The following LRRK2 variants were observed in gnomAD, a reference collection of about 807,000 sequenced individuals.
LRRK2 encodes the protein leucine rich repeat kinase 2.
LRRK2 carries 203 observed loss-of-function variants against 302.6 expected under a neutral mutation model. The observed-to-expected ratio is 0.67, with a 90% CI of 0.60 to 0.75. The LOEUF (loss-of-function observed/expected upper bound fraction) is 0.75. Among genes scored for constraint, LRRK2 ranks in the 30% least tolerant of loss-of-function variants. The pLI is 0.00. For missense variants in LRRK2, 2,830 were observed against 2,951.0 expected, an observed-to-expected ratio of 0.96 and a Z score of 0.95; for synonymous variants, 1,066 against 1,031.9, an observed-to-expected ratio of 1.03 and a Z score of -0.63.
chr12:40,336,065 G>T (rs745311587), intron 40 of LRRK2, among the ~76,000 whole-genome samples: 1 of 152,086 alleles, frequency 6.6e-6, no homozygotes, highest in Non-Finnish European at 1.5e-5. Context: ...TCCTCACCCA[G>T]CCTCTGGAGT....
intron 41 of LRRK2, among the ~76,000 whole-genome samples, chr12:40,343,350 C>G (rs1462157899): frequency 6.6e-6 from 1 of 152,204 alleles, no homozygotes; most frequent in Non-Finnish European, 1.5e-5. Flanking sequence ...GAGATGAATG[C>G]TGACTGATGG....
chr12:40,293,793 G>A lies in LRRK2; in HGVS notation c.2808+130G>A, dbSNP rs1355185491. On this transcript the variant is annotated intron_variant, in intron 21 of 50. Coordinates refer to ENST00000298910, the MANE Select transcript of LRRK2 (RefSeq NM_198578.4). Reference sequence around the variant, plus strand: ...TGATGTATGAAAACTATAATTTTGAGATTTTTATATATGTAATAGATATGA... The same window carrying A: ...TGATGTATGAAAACTATAATTTTGAAATTTTTATATATGTAATAGATATGA... 76 of 630,082 alleles carry A rather than the reference G, an allele frequency of 1.2e-4. No homozygotes were observed. In the East Asian group the frequency reaches 2.3e-3, roughly 19 times the overall value. 39.0% of individuals were successfully genotyped at this position (630,082 alleles called of 1,614,324 possible). A position where few individuals can be genotyped will look rare whatever the true frequency, so the allele number is the denominator to read the frequency against.
chr12:40,273,125 C>G (rs969004443), intron 14 of LRRK2, among the ~76,000 whole-genome samples: 1 of 152,156 alleles, frequency 6.6e-6, no homozygotes, highest in East Asian at 1.9e-4. Context: ...CACACCAAAC[C>G]AGCCTTCCAA....
intron 12 of LRRK2, 49 bp from the exon 13 acceptor site, chr12:40,259,431 A>G: frequency 3.7e-6 from 6 of 1,611,092 alleles, no homozygotes; most frequent in South Asian, 1.1e-5. Context: ...TGTTTATACC[A>G]TTGAATCAGA....
At chr12:40,305,725 T>C (rs1592261641) in intron 27 of LRRK2, 60 bp from the exon 28 acceptor site, 1 of 1,456,376 alleles carries the variant, frequency 6.9e-7, no homozygotes. Context: ...ATCACGTTTT[T>C]TGGCAGAGCA....
chr12:40,236,986 C>A (rs1408627806), intron 4 of LRRK2, among the ~76,000 whole-genome samples: 4 of 151,900 alleles, frequency 2.6e-5, no homozygotes, highest in African/African-American at 7.3e-5. Context: ...TACTCCTATT[C>A]CAGTATTATT....
intron 14 of LRRK2, among the ~76,000 whole-genome samples, chr12:40,265,977 C>G (rs1363323152): frequency 6.6e-6 from 1 of 152,170 alleles, no homozygotes; most frequent in Admixed American, 6.6e-5. Context: ...GGATCCCTTC[C>G]TTACACCTTA....
intron 3 of LRRK2, among the ~76,000 whole-genome samples, chr12:40,233,601 T>C (rs995956910): frequency 2.6e-5 from 4 of 152,246 alleles, no homozygotes; most frequent in African/African-American, 9.6e-5. Context: ...GTATCAGTTC[T>C]AAAGTATACA....
chr12:40,229,639 C>A (rs926739391), intron 2 of LRRK2, among the ~76,000 whole-genome samples: 5 of 152,156 alleles, frequency 3.3e-5, no homozygotes, highest in Admixed American at 3.3e-4. Flanking sequence ...GCATTAATTA[C>A]ATGCTTGAGT....
Position 40,340,335 on chromosome 12 carries a change from C to CT in LRRK2, c.5990_5991insT (p.His1998ProfsTer20). Reference sequence around the variant, plus strand: ...ATGATTATATACCGAGACCTGAAACCCCACAATGTGCTGCTTTTCACACTG... The same window carrying CT: ...ATGATTATATACCGAGACCTGAAACCTCCACAATGTGCTGCTTTTCACACTG... On this transcript the variant is annotated frameshift_variant, in exon 41 of 51. Coordinates refer to ENST00000298910, the MANE Select transcript of LRRK2 (RefSeq NM_198578.4). LOFTEE classifies it high-confidence loss of function. 6.2e-7 allele frequency: 1 copy of CT among 1,613,806 alleles called. No homozygotes were observed. Among genetic ancestry groups the CT allele is most frequent in the Non-Finnish European group, 8.5e-7 (1 of 1,179,800 alleles).
intron 30 of LRRK2, among the ~76,000 whole-genome samples, chr12:40,309,450 T>C (rs2136821355): frequency 6.6e-6 from 1 of 152,284 alleles, no homozygotes; most frequent in African/African-American, 2.4e-5. Context: ...ATGTTATTGG[T>C]AACCTGAAAC....
At chr12:40,306,294 G>A (rs17491110) in intron 28 of LRRK2, among the ~76,000 whole-genome samples, 1,937 of 150,250 alleles carry the variant, frequency 0.013, 48 homozygotes, top group African/African-American at 0.044. Context: ...ATACAGCACA[G>A]TATAATAACT....
chr12:40,360,314 A>G (rs918973429), intron 47 of LRRK2, among the ~76,000 whole-genome samples: 7 of 152,146 alleles, frequency 4.6e-5, no homozygotes, highest in Non-Finnish European at 8.8e-5. Flanking sequence ...GCTTTGAGTC[A>G]CAAATCCCTA....
intron 47 of LRRK2, 58 bp from the exon 48 acceptor site, chr12:40,363,344 G>T: frequency 6.5e-7 from 1 of 1,548,418 alleles, no homozygotes; most frequent in Non-Finnish European, 8.9e-7. Context: ...TGTATTACAC[G>T]TAGAAATTTT....
chr12:40,263,394 C>A lies in LRRK2; in HGVS notation c.1544-395C>A, dbSNP rs111591812. 3.7e-4 allele frequency among the ~76,000 whole-genome samples: 12 copies of A among 32,070 alleles called. 1 individual carries two copies. Among genetic ancestry groups the A allele is most frequent in the African/African-American group, 2.1e-3 (11 of 5,314 alleles). 21.0% of individuals were successfully genotyped at this position (32,070 alleles called of 152,430 possible). ...CAGCTACTCTTTTTTGTCTATATTT[C>A]ATTTCTGCCTTTTTATGTTGTGGTC... On this transcript the variant is annotated intron_variant, in intron 13 of 50. Coordinates refer to ENST00000298910, the MANE Select transcript of LRRK2 (RefSeq NM_198578.4).
chr12:40,334,357 A>T (rs1247961563), intron 39 of LRRK2, among the ~76,000 whole-genome samples: 1 of 152,224 alleles, frequency 6.6e-6, no homozygotes, highest in Non-Finnish European at 1.5e-5. Flanking sequence ...TGAAAAACAT[A>T]AAGGTTGGGG....
At chr12:40,244,796 G>A (rs1289218202) in intron 7 of LRRK2, among the ~76,000 whole-genome samples, 1 of 151,438 alleles carries the variant, frequency 6.6e-6, no homozygotes, top group Non-Finnish European at 1.5e-5. Context: ...TGACGAGTTA[G>A]TGGGTGCAGC....
chr12:40,259,369 C>A (rs916578344), intron 12 of LRRK2, 111 bp from the exon 13 acceptor site: 2 of 1,352,574 alleles, frequency 1.5e-6, no homozygotes, highest in African/African-American at 2.9e-5. Flanking sequence ...TTCATATAGT[C>A]TTTCCTGATA....
At chr12:40,297,924 A>G (rs998619574) in intron 23 of LRRK2, among the ~76,000 whole-genome samples, 5 of 152,066 alleles carry the variant, frequency 3.3e-5, no homozygotes, top group African/African-American at 1.2e-4. Context: ...ATTAATTCAA[A>G]TATTTGTTGA....
Sources: allele counts gnomAD v4.1 joint callset (sites outside exome capture counted in the v4.1 genomes callset), GRCh38; gene constraint gnomAD v4.1.1; transcripts MANE v1.5; gene names NCBI Gene and HGNC (gene_info 2026-07-23, HGNC 2026-07-21).